SCHIP1: variants seen among roughly 807,000 people sequenced by gnomAD.
The protein encoded by SCHIP1 is schwannomin-interacting protein 1.
A neutral mutation model predicts 29.7 loss-of-function variants in SCHIP1; 8 were observed. That is an observed-to-expected ratio of 0.27 (90% CI 0.16 to 0.49). The LOEUF is 0.49. Ranked by LOEUF, SCHIP1 falls within the 20% of genes least tolerant of loss-of-function variation. The pLI is 0.99. For synonymous variants in SCHIP1, 76 were observed against 94.9 expected (o/e 0.80, Z 1.16); for missense variants, 193 against 294.6 (o/e 0.66, Z 2.52).
the SCHIP1 span, among the ~76,000 whole-genome samples, chr3:159,756,603 T>C: frequency 6.6e-6 from 1 of 152,246 alleles, no homozygotes; most frequent in Non-Finnish European, 1.5e-5. Context: ...CCTTGTTACT[T>C]ATGCAAATTT....
chr3:159,657,901 C>T, the SCHIP1 span, among the ~76,000 whole-genome samples: 698 of 152,336 alleles, frequency 4.6e-3, 3 homozygotes, highest in Non-Finnish European at 6.6e-3. Context: ...CACACCCTGA[C>T]TTATAGCTAT....
chr3:159,583,579 A>T, the SCHIP1 span, among the ~76,000 whole-genome samples: 1 of 152,206 alleles, frequency 6.6e-6, no homozygotes, highest in Non-Finnish European at 1.5e-5. Flanking sequence ...AACCCAGAGC[A>T]TAAGAAAACA....
chr3:159,535,008 G>T, the SCHIP1 span, among the ~76,000 whole-genome samples: 1 of 152,052 alleles, frequency 6.6e-6, no homozygotes, highest in Non-Finnish European at 1.5e-5. Flanking sequence ...CAGAAGAAAA[G>T]GCAATTTCTG....
chr3:159,630,510 G>C, the SCHIP1 span, among the ~76,000 whole-genome samples: 2 of 152,070 alleles, frequency 1.3e-5, no homozygotes, highest in African/African-American at 4.8e-5. Flanking sequence ...CCATAAAAAG[G>C]AACTAAATAA....
chr3:159,527,167 T>C, the SCHIP1 span, among the ~76,000 whole-genome samples: 1 of 152,202 alleles, frequency 6.6e-6, no homozygotes, highest in Admixed American at 6.5e-5. Context: ...AGTTGATCTC[T>C]GTCAGGGCCA....
the SCHIP1 span, among the ~76,000 whole-genome samples, chr3:159,345,226 CAAA>C: frequency 3.3e-4 from 39 of 117,272 alleles, no homozygotes; most frequent in Admixed American, 4.4e-4. Flanking sequence ...GACTCTGTCT[CAAA>C]AAAAAAAAAA....
At chr3:159,300,587 C>A in the SCHIP1 span, among the ~76,000 whole-genome samples, 10 of 152,192 alleles carry the variant, frequency 6.6e-5, no homozygotes, top group African/African-American at 2.4e-4. Flanking sequence ...CAAAACTGAA[C>A]TCTTAACATT....
chr3:159,288,473 G>C, the SCHIP1 span, among the ~76,000 whole-genome samples: 1 of 152,064 alleles, frequency 6.6e-6, no homozygotes, highest in Non-Finnish European at 1.5e-5. Flanking sequence ...AATCAATGAA[G>C]GTGCCTGTAA....
chr3:159,644,731 CA>C, the SCHIP1 span, among the ~76,000 whole-genome samples: 1 of 152,110 alleles, frequency 6.6e-6, no homozygotes, highest in Admixed American at 6.6e-5. Flanking sequence ...TACAAAATCA[CA>C]AGATTATCCA....
the SCHIP1 span, among the ~76,000 whole-genome samples, chr3:159,536,855 C>T: frequency 1.3e-5 from 2 of 152,256 alleles, no homozygotes; most frequent in African/African-American, 4.8e-5. Flanking sequence ...ATGCATAAAA[C>T]TCATCTCTTC....
chr3:159,774,960 T>C, the SCHIP1 span, among the ~76,000 whole-genome samples: 1 of 152,212 alleles, frequency 6.6e-6, no homozygotes, highest in Non-Finnish European at 1.5e-5. Context: ...TTTTCTTTTT[T>C]TTCTTCCATT....
At chr3:159,834,718 C>A in the SCHIP1 span, among the ~76,000 whole-genome samples, 1 of 152,172 alleles carries the variant, frequency 6.6e-6, no homozygotes, top group Non-Finnish European at 1.5e-5. Context: ...CCACACCTGA[C>A]CTCATGTGAC....
the SCHIP1 span, among the ~76,000 whole-genome samples, chr3:159,636,615 A>G: frequency 6.6e-6 from 1 of 152,232 alleles, no homozygotes; most frequent in Admixed American, 6.5e-5. Flanking sequence ...ATTTAAATGT[A>G]GAAGTGATAG....
the SCHIP1 span, among the ~76,000 whole-genome samples, chr3:159,522,800 C>A: frequency 6.6e-6 from 1 of 152,116 alleles, no homozygotes; most frequent in Non-Finnish European, 1.5e-5. Context: ...ACCTGGGAGG[C>A]GGAGCTTGCA....
the SCHIP1 span, among the ~76,000 whole-genome samples, chr3:159,451,060 G>A: frequency 1.6e-4 from 24 of 152,114 alleles, no homozygotes; most frequent in African/African-American, 4.3e-4. Context: ...CGCCTGCCTC[G>A]GCCTCCGAAG....
At chr3:159,480,860 C>T in the SCHIP1 span, among the ~76,000 whole-genome samples, 1 of 152,136 alleles carries the variant, frequency 6.6e-6, no homozygotes, top group East Asian at 1.9e-4. Flanking sequence ...CTGTTTATTT[C>T]ACCTGGGTGC....
the SCHIP1 span, among the ~76,000 whole-genome samples, chr3:159,821,471 T>C: frequency 6.6e-6 from 1 of 152,150 alleles, no homozygotes; most frequent in Admixed American, 6.5e-5. Flanking sequence ...CCACCCCCAG[T>C]GGATGCCTGA....
the SCHIP1 span, among the ~76,000 whole-genome samples, chr3:159,700,900 A>G: frequency 1.3e-5 from 2 of 152,002 alleles, no homozygotes; most frequent in East Asian, 1.9e-4. Context: ...GGCAGTAGGT[A>G]TGTATGTCAT....
At chr3:159,311,623 A>G in the SCHIP1 span, among the ~76,000 whole-genome samples, 1 of 152,134 alleles carries the variant, frequency 6.6e-6, no homozygotes, top group Non-Finnish European at 1.5e-5. Context: ...TCATTGAAAG[A>G]ATTTCTGTAT....
Sources: gnomAD v4.1 joint callset for allele counts (sites outside exome capture counted in the v4.1 genomes callset) on GRCh38, gnomAD v4.1.1 for gene constraint, MANE v1.5 for transcripts, NCBI Gene and HGNC (gene_info 2026-07-23, HGNC 2026-07-21) for gene names.